CBL: variants seen among roughly 807,000 people sequenced by gnomAD.
The protein encoded by CBL is Cbl proto-oncogene.
CBL carries 45 observed loss-of-function variants against 96.9 expected under a neutral mutation model. The observed-to-expected ratio is 0.46, with a 90% confidence interval of 0.37 to 0.60. CBL has a LOEUF of 0.60. Among genes scored for constraint, CBL ranks in the 20% least tolerant of loss-of-function variants. The pLI is 0.00. For missense variants in CBL, 1,024 were observed against 1,143.5 expected, an observed-to-expected ratio of 0.90 and a Z score of 1.51; for synonymous variants, 420 against 426.8, an observed-to-expected ratio of 0.98 and a Z score of 0.20.
At chr11:119,274,747 G>A (rs1284508124) in intron 4 of CBL, 85 bp from the exon 5 acceptor site, 5 of 1,215,208 alleles carry the variant, frequency 4.1e-6, no homozygotes, top group African/African-American at 1.5e-5. Flanking sequence ...ACTGAGAGTT[G>A]GTGTTGTTTT....
chr11:119,267,997 C>T lies in CBL; in HGVS notation c.444-3738C>T, dbSNP rs371740450. On this transcript the variant is annotated intron_variant, in intron 2 of 15. Transcript: ENST00000264033. ...TCAGACCAGAGAAACAGGCAAAGGC[C>T]GAGAAACAAAGAAGAGAGGCAGGTG... Among the ~76,000 whole-genome samples, 4 of 152,156 alleles carry T rather than the reference C, an allele frequency of 2.6e-5. No individual in the cohort carries two copies. The East Asian group carries it at 7.7e-4, about 29-fold the overall frequency.
rs1177264695 is a variant in CBL, at chr11:119,302,546, C to T, written c.*2765C>T. 8.6e-6 allele frequency: 2 copies of T among 232,334 alleles called. No homozygotes were observed. Among genetic ancestry groups the T allele is most frequent in the Non-Finnish European group, 1.7e-5 (2 of 117,574 alleles). 14.4% of individuals were successfully genotyped at this position (232,334 alleles called of 1,614,324 possible). On this transcript the variant is annotated 3_prime_UTR_variant, in exon 16 of 16. Coordinates refer to ENST00000264033, the MANE Select transcript of CBL (RefSeq NM_005188.4). ...TAGTGGCTAATAAAGTAAAAAAACC[C>T]ACACTACTTTGTTCTCTTTTTCTCA...
intron 9 of CBL, among the ~76,000 whole-genome samples, chr11:119,279,184 T>A (rs1949914005): frequency 6.6e-6 from 1 of 152,154 alleles, no homozygotes; most frequent in African/African-American, 2.4e-5. Flanking sequence ...TTTTTTTTTT[T>A]TATTTTAATG....
chr11:119,277,227 TAAG>T (rs966796140), intron 6 of CBL, among the ~76,000 whole-genome samples: 112 of 106,076 alleles, frequency 1.1e-3, no homozygotes, highest in African/African-American at 4.5e-3. Flanking sequence ...AAAAAAAAAA[TAAG>T]AATCTGTCGC....
chr11:119,261,978 AAG>A (rs1306876198), intron 2 of CBL, among the ~76,000 whole-genome samples: 1 of 152,196 alleles, frequency 6.6e-6, no homozygotes. Flanking sequence ...TTTTTTAAAA[AAG>A]ATATAAGAAA....
chr11:119,302,676 G>A lies in CBL; in HGVS notation c.*2895G>A. ...CGGGGTTGCTGCAGAGCAGCAACTG[G>A]ACCTTTCCAGCTGTCGCCATGTTCC... On this transcript the variant is annotated 3_prime_UTR_variant, in exon 16 of 16. Transcript: ENST00000264033. 4.3e-6 allele frequency: 1 copy of A among 231,662 alleles called. No individual in the cohort carries two copies. Among genetic ancestry groups the A allele is most frequent in the Non-Finnish European group, 8.5e-6 (1 of 117,086 alleles). The allele number at this position is 231,662 out of a possible 1,614,324, so 14.4% of individuals were successfully genotyped here. A position where few individuals can be genotyped will look rare whatever the true frequency, so the allele number is the denominator to read the frequency against.
chr11:119,239,845 G>A (rs937419962), intron 2 of CBL, among the ~76,000 whole-genome samples: 9 of 150,762 alleles, frequency 6.0e-5, no homozygotes, highest in African/African-American at 1.7e-4. Context: ...TGTTTCATTC[G>A]TGGTTTTTCT....
chr11:119,232,886 G>T (rs1949515217), intron 2 of CBL, among the ~76,000 whole-genome samples, 191 bp downstream of exon 2: 1 of 152,178 alleles, frequency 6.6e-6, no homozygotes, highest in Non-Finnish European at 1.5e-5. Context: ...TGATTGATTT[G>T]CTTACCTCTG....
chr11:119,290,171 G>A (rs576421882), intron 12 of CBL, among the ~76,000 whole-genome samples: 2 of 151,772 alleles, frequency 1.3e-5, no homozygotes, highest in Non-Finnish European at 2.9e-5. Context: ...TCAGCCTCCC[G>A]AGTAGCTGGG....
At chr11:119,259,796 T>C (rs1949739620) in intron 2 of CBL, among the ~76,000 whole-genome samples, 1 of 152,256 alleles carries the variant, frequency 6.6e-6, no homozygotes, top group Non-Finnish European at 1.5e-5. Context: ...CTTATAAATA[T>C]AGCTCATTTG....
chr11:119,296,603 C>G (rs1188442837), intron 12 of CBL, among the ~76,000 whole-genome samples: 3 of 152,168 alleles, frequency 2.0e-5, no homozygotes, highest in Non-Finnish European at 4.4e-5. Context: ...CTTGCCGTTT[C>G]TCTAACTCTA....
chr11:119,222,293 A>G (rs1366267421), intron 1 of CBL, among the ~76,000 whole-genome samples: 1 of 152,248 alleles, frequency 6.6e-6, no homozygotes, highest in Non-Finnish European at 1.5e-5. Flanking sequence ...GTTGTTCTCT[A>G]TAACTTTTTG....
chr11:119,259,643 T>C (rs1949738135), intron 2 of CBL, among the ~76,000 whole-genome samples: 1 of 152,128 alleles, frequency 6.6e-6, no homozygotes, highest in Non-Finnish European at 1.5e-5. Flanking sequence ...CTCCCCAAAA[T>C]TGATAATTTT....
intron 1 of CBL, among the ~76,000 whole-genome samples, chr11:119,215,177 A>C (rs562618151): frequency 2.1e-4 from 32 of 152,064 alleles, no homozygotes; most frequent in African/African-American, 7.5e-4. Context: ...CCGTTTTGTG[A>C]GTTTGGTTGA....
intron 9 of CBL, among the ~76,000 whole-genome samples, chr11:119,279,618 C>T (rs1592401883): frequency 6.6e-6 from 1 of 152,066 alleles, no homozygotes; most frequent in African/African-American, 2.4e-5. Flanking sequence ...TACCACTGCA[C>T]TCTAGGTTGG....
At chr11:119,261,228 C>T (rs1000473191) in intron 2 of CBL, among the ~76,000 whole-genome samples, 1 of 151,930 alleles carries the variant, frequency 6.6e-6, no homozygotes, top group Non-Finnish European at 1.5e-5. Context: ...GATTCTTTTC[C>T]ATGGAACATT....
intron 5 of CBL, 68 bp from the exon 6 acceptor site, chr11:119,275,929 A>G: frequency 7.1e-7 from 1 of 1,408,214 alleles, no homozygotes; most frequent in South Asian, 1.1e-5. Context: ...TTTTGTCTGT[A>G]TCTTGCCTTG....
At chr11:119,284,473 A>AT (rs1565873942) in intron 9 of CBL, among the ~76,000 whole-genome samples, 1 of 151,280 alleles carries the variant, frequency 6.6e-6, no homozygotes, top group Non-Finnish European at 1.5e-5. Flanking sequence ...TTTTTATTTT[A>AT]TTTTTTGTAG....
At chr11:119,287,825 T>G (rs1232317670) in intron 11 of CBL, 27 bp from the exon 12 acceptor site, 1 of 1,492,184 alleles carries the variant, frequency 6.7e-7, no homozygotes, top group Admixed American at 1.7e-5. Context: ...AGAAAGTTGT[T>G]TTTCAACACT....
Sources: allele counts gnomAD v4.1 joint callset (sites outside exome capture counted in the v4.1 genomes callset), GRCh38; gene constraint gnomAD v4.1.1; transcripts MANE v1.5; gene names NCBI Gene and HGNC (gene_info 2026-07-23, HGNC 2026-07-21).